The following MACROD2 variants were observed in gnomAD, a reference collection of about 807,000 sequenced individuals.
MACROD2 encodes the protein ADP-ribose glycohydrolase MACROD2.
In MACROD2, 36 loss-of-function variants were observed where a neutral mutation model predicts 70.4. The ratio of observed to expected loss-of-function variants is 0.51; its 90% CI spans 0.39 to 0.68. MACROD2 has a LOEUF of 0.68. MACROD2 is among the 30% of genes least tolerant of loss of function. MACROD2 has a pLI of 0.00. For synonymous variants in MACROD2, 172 were observed against 178.8 expected, an observed-to-expected ratio of 0.96 and a Z score of 0.30; for missense variants, 496 against 538.4, an observed-to-expected ratio of 0.92 and a Z score of 0.78.
At chr20:15,741,967 A>G (rs2146966296) in intron 8 of MACROD2, among the ~76,000 whole-genome samples, 1 of 152,254 alleles carries the variant, frequency 6.6e-6, no homozygotes, top group East Asian at 1.9e-4. Context: ...GAGCCCTCAT[A>G]CTTCTTACAT....
chr20:15,627,517 G>T (rs2049223178), intron 8 of MACROD2, among the ~76,000 whole-genome samples: 1 of 152,076 alleles, frequency 6.6e-6, no homozygotes, highest in Non-Finnish European at 1.5e-5. Context: ...AAGGGGGTGG[G>T]TGTGGCTAAA....
intron 5 of MACROD2, among the ~76,000 whole-genome samples, chr20:14,934,231 G>A (rs1219761295): frequency 6.6e-6 from 1 of 152,138 alleles, no homozygotes; most frequent in Non-Finnish European, 1.5e-5. Context: ...CTTATAAAAT[G>A]GACATAAATT....
At chr20:14,471,609 A>G (rs958860319) in intron 3 of MACROD2, among the ~76,000 whole-genome samples, 7 of 152,194 alleles carry the variant, frequency 4.6e-5, no homozygotes. Flanking sequence ...ATTCTAAGCA[A>G]CAAAATAAAA....
intron 6 of MACROD2, among the ~76,000 whole-genome samples, chr20:15,423,815 G>A (rs978206849): frequency 6.6e-6 from 1 of 151,828 alleles, no homozygotes; most frequent in African/African-American, 2.4e-5. Flanking sequence ...TACTCCCCTC[G>A]TGGAGTGTCT....
intron 15 of MACROD2, among the ~76,000 whole-genome samples, chr20:15,992,206 A>G (rs967166434): frequency 1.3e-5 from 2 of 152,182 alleles, no homozygotes; most frequent in Non-Finnish European, 2.9e-5. Context: ...CCAGTAAGAA[A>G]GTTATGCAGG....
At chr20:14,241,522 T>C (rs1487823323) in intron 3 of MACROD2, among the ~76,000 whole-genome samples, 1 of 152,040 alleles carries the variant, frequency 6.6e-6, no homozygotes, top group Non-Finnish European at 1.5e-5. Context: ...TTTATCAAAT[T>C]ATATATATAT....
chr20:14,806,088 G>T lies in MACROD2; in HGVS notation c.418+121129G>T, dbSNP rs965532746. Among the ~76,000 whole-genome samples the T allele has an allele frequency of 2.6e-4, 39 of 152,122 alleles. 1 individual carries two copies. The highest frequency in any genetic ancestry group is 7.0e-4 in the African/African-American group (29 of 41,420). ...AGCTGTCATTATTAGTTATAACTTA[G>T]TTGGAAGGTCTTATTTCCTGAGGGC... On this transcript the variant is annotated intron_variant, in intron 5 of 17. Transcript: ENST00000684519.
At chr20:15,437,571 G>A (rs923178351) in intron 7 of MACROD2, among the ~76,000 whole-genome samples, 1 of 152,156 alleles carries the variant, frequency 6.6e-6, no homozygotes, top group Non-Finnish European at 1.5e-5. Context: ...TGTGACACAA[G>A]GGTTTGCTAT....
intron 10 of MACROD2, among the ~76,000 whole-genome samples, chr20:15,918,405 A>G (rs1408666745): frequency 6.6e-6 from 1 of 152,208 alleles, no homozygotes; most frequent in Non-Finnish European, 1.5e-5. Context: ...TAACATTTTC[A>G]TGTGATCGGG....
intron 5 of MACROD2, among the ~76,000 whole-genome samples, chr20:14,766,450 G>A (rs922722504): frequency 2.6e-4 from 39 of 152,130 alleles, no homozygotes; most frequent in African/African-American, 8.9e-4. Flanking sequence ...TTATGGCAGC[G>A]CCAGGAAGAA....
At chr20:15,678,526 A>AT (rs527497237) in intron 8 of MACROD2, among the ~76,000 whole-genome samples, 2,523 of 152,162 alleles carry the variant, frequency 0.017, 28 homozygotes, top group Non-Finnish European at 0.022. Context: ...TGCCTGGCTA[A>AT]TTTTTTGTAT....
chr20:14,342,624 A>G (rs1222685047), intron 3 of MACROD2, among the ~76,000 whole-genome samples: 1 of 152,196 alleles, frequency 6.6e-6, no homozygotes, highest in Non-Finnish European at 1.5e-5. Context: ...TCCAAAGGGT[A>G]TTGGAGAAAT....
chr20:14,363,323 G>A (rs1275501127), intron 3 of MACROD2, among the ~76,000 whole-genome samples: 1 of 152,126 alleles, frequency 6.6e-6, no homozygotes, highest in Non-Finnish European at 1.5e-5. Context: ...AAATAGAGGA[G>A]TAGAGAGGGT....
At chr20:14,453,473 A>G (rs2084266680) in intron 3 of MACROD2, among the ~76,000 whole-genome samples, 1 of 151,978 alleles carries the variant, frequency 6.6e-6, no homozygotes, top group Admixed American at 6.6e-5. Context: ...GTTACTTAGG[A>G]ATTCTGTTGT....
At position 14,863,265 on chromosome 20, in the gene MACROD2, G is replaced by A. The variant is rs561295760; in HGVS notation, c.418+178306G>A. On this transcript the variant is annotated intron_variant, in intron 5 of 17. Coordinates refer to ENST00000684519, the MANE Select transcript of MACROD2 (RefSeq NM_001351661.2). ...CACATATCTGTGGGCTCATTGCACA[G>A]GCAGCGCTTATATCTATGGGCACAT... Among the ~76,000 whole-genome samples the A allele has an allele frequency of 1.6e-4, 24 of 152,162 alleles. No homozygotes were observed. In the South Asian group the frequency reaches 5.0e-3, roughly 32 times the overall value.
At chr20:15,679,866 C>T (rs1476772781) in intron 8 of MACROD2, among the ~76,000 whole-genome samples, 1 of 152,198 alleles carries the variant, frequency 6.6e-6, no homozygotes, top group Admixed American at 6.5e-5. Context: ...AATTCCAGAC[C>T]TGCAGAAATG....
intron 2 of MACROD2, among the ~76,000 whole-genome samples, chr20:14,083,005 A>G (rs963149789): frequency 1.8e-4 from 27 of 152,052 alleles, no homozygotes; most frequent in African/African-American, 5.8e-4. Flanking sequence ...TTTCACTGAT[A>G]AGCAATAGTA....
intron 6 of MACROD2, among the ~76,000 whole-genome samples, chr20:15,350,810 T>C (rs1244535088): frequency 6.6e-6 from 1 of 152,170 alleles, no homozygotes; most frequent in Admixed American, 6.5e-5. Context: ...ACAGAAAAAT[T>C]AATGTGTATA....
At chr20:14,904,652 T>G (rs1481833682) in intron 5 of MACROD2, among the ~76,000 whole-genome samples, 1 of 152,182 alleles carries the variant, frequency 6.6e-6, no homozygotes, top group Non-Finnish European at 1.5e-5. Flanking sequence ...TGCTATTTAA[T>G]ACCGCATAAC....
Sources: gnomAD v4.1 joint callset for allele counts (sites outside exome capture counted in the v4.1 genomes callset) on GRCh38, gnomAD v4.1.1 for gene constraint, MANE v1.5 for transcripts, NCBI Gene and HGNC (gene_info 2026-07-23, HGNC 2026-07-21) for gene names.